Variants in EIF4E2 observed in about 807,000 individuals in gnomAD.
EIF4E2 encodes the protein eukaryotic translation initiation factor 4E family member 2, also known as eukaryotic translation initiation factor 4E type 2.
EIF4E2 carries 13 observed loss-of-function variants against 34.2 expected under a neutral mutation model. That is an observed-to-expected ratio of 0.38 (90% CI 0.25 to 0.60). The LOEUF (loss-of-function observed/expected upper bound fraction) is 0.60, where lower values mean the gene tolerates loss of function less well. Ranked by LOEUF, EIF4E2 falls within the 20% of genes least tolerant of loss-of-function variation. The probability of loss-of-function intolerance (pLI) is 0.62; values close to 1 mark genes in which losing one functional copy is unlikely to be tolerated. For synonymous variants in EIF4E2, 100 were observed against 106.6 expected (o/e 0.94, Z 0.38); for missense variants, 222 against 315.1 (o/e 0.70, Z 2.24).
At chr2:232,574,224 C>T in intron 6 of EIF4E2, 2 of 1,541,288 alleles carry the variant, frequency 1.3e-6, no homozygotes, top group Non-Finnish European at 1.8e-6. Context: ...AGCTTTTGAT[C>T]TGAATGTGCT....
chr2:232,574,310 C>A lies in EIF4E2; in HGVS notation c.666-6594C>A, dbSNP rs541406459. Reference sequence around the variant, plus strand: ...CTGGTGAACAGCAGCGGCCGCTGATCGGACGCTCCCCCTCTGTCTCTCACA... The same window carrying A: ...CTGGTGAACAGCAGCGGCCGCTGATAGGACGCTCCCCCTCTGTCTCTCACA... On this transcript the variant is annotated intron_variant, in intron 6 of 6. Transcript: ENST00000409098. 2.6e-6 allele frequency: 4 copies of A among 1,550,400 alleles called. No homozygotes were observed. In the African/African-American group the frequency reaches 4.1e-5, roughly 16 times the overall value.
At position 232,557,726 on chromosome 2, in the gene EIF4E2, G is replaced by T. The variant is rs1692574228; in HGVS notation, c.136-158G>T. ...AGAATCAGTTAACCACTGAGGAAATGTACTGTGTAAGCAGAATCTTTGGCA... is the reference window on the plus strand; with the variant it reads ...AGAATCAGTTAACCACTGAGGAAATTTACTGTGTAAGCAGAATCTTTGGCA... On this transcript the variant is annotated intron_variant, in intron 2 of 6. Coordinates refer to ENST00000258416, the MANE Select transcript of EIF4E2 (RefSeq NM_004846.4). 10 of 808,148 alleles carry T rather than the reference G, an allele frequency of 1.2e-5. No individual in the cohort carries two copies. The East Asian group carries it at 2.5e-4, about 20-fold the overall frequency. The allele number at this position is 808,148 out of a possible 1,614,324, so 50.1% of individuals were successfully genotyped here. A position where few individuals can be genotyped will look rare whatever the true frequency, so the allele number is the denominator to read the frequency against.
exon 7 of EIF4E2, chr2:232,580,950 A>C: frequency 6.5e-7 from 1 of 1,550,350 alleles, no homozygotes; most frequent in Non-Finnish European, 8.7e-7. Flanking sequence ...GTGAGAGTAC[A>C]CAAGCTGGCA....
intron 6 of EIF4E2, chr2:232,568,406 G>C: frequency 1.0e-6 from 1 of 985,410 alleles, no homozygotes; most frequent in Non-Finnish European, 1.2e-6. Context: ...AGCCATGGCT[G>C]TGGTTGCTTG....
At chr2:232,567,841 A>G (rs1272106789) in intron 6 of EIF4E2, 1 of 985,510 alleles carries the variant, frequency 1.0e-6, no homozygotes, top group Non-Finnish European at 1.2e-6. Context: ...CTTGCTCCTC[A>G]GTGATTGAGT....
chr2:232,560,688 G>A (rs1157514282), intron 3 of EIF4E2, among the ~76,000 whole-genome samples: 1 of 152,152 alleles, frequency 6.6e-6, no homozygotes, highest in East Asian at 1.9e-4. Flanking sequence ...CCTACAAAAT[G>A]GGAGAAAATA....
At position 232,581,107 on chromosome 2, in the gene EIF4E2, C is replaced by T; in HGVS notation, c.*164C>T. The T allele has an allele frequency of 1.3e-6, 1 of 753,042 alleles. No homozygotes were observed. Among genetic ancestry groups the T allele is most frequent in the Non-Finnish European group, 2.4e-6 (1 of 419,300 alleles). 46.6% of individuals were successfully genotyped at this position (753,042 alleles called of 1,614,324 possible). A position where few individuals can be genotyped will look rare whatever the true frequency, so the allele number is the denominator to read the frequency against. On this transcript the variant is annotated 3_prime_UTR_variant, in exon 7 of 7. Transcript: ENST00000409098. The surrounding 1 kb of genome is among the most constrained non-coding windows in gnomAD (Gnocchi z 5.2). ...GAGGACGGATTCCGCTAGACACCCT[C>T]CAGCATCGCTGACTTTATAAAGCGG...
intron 3 of EIF4E2, chr2:232,558,856 G>T (rs1692614821): frequency 7.4e-6 from 1 of 135,150 alleles, no homozygotes; most frequent in South Asian, 2.2e-4. Flanking sequence ...TGCTTTTGTG[G>T]GTACTGGCAG....
At chr2:232,579,123 T>TAC (rs71056276) in intron 6 of EIF4E2, among the ~76,000 whole-genome samples, 3,807 of 146,556 alleles carry the variant, frequency 0.026, 48 homozygotes, top group African/African-American at 0.033. Context: ...AACTCAGAAA[T>TAC]ACACACACAC....
rs780015981 is a variant in EIF4E2 at position 232,566,998 on chromosome 2, C to A, written c.528+17C>A. 1.3e-6 allele frequency: 2 copies of A among 1,589,330 alleles called. No homozygotes were observed. The highest frequency in any genetic ancestry group is 2.7e-5 in the African/African-American group (2 of 74,336). On this transcript the variant is annotated intron_variant, in intron 5 of 6. Transcript: ENST00000258416. This position sits in a 1 kb window ranked among gnomAD's most constrained non-coding sequence, Gnocchi z 4.9. ...CGCTTTCAGGTAAGCCACCCATGAG[C>A]CAGGCTGGTTTCTTGTGTTGCCTTT...
chr2:232,574,266 C>T (rs1693157902), intron 6 of EIF4E2: 1 of 1,550,464 alleles, frequency 6.4e-7, no homozygotes, highest in African/African-American at 1.4e-5. Context: ...TTGCCAGGGC[C>T]TGGGAGGAGT....
At position 232,557,937 on chromosome 2, in the gene EIF4E2, G is replaced by A; in HGVS notation, c.189G>A (p.Trp63Ter). The A allele has an allele frequency of 1.2e-6, 2 of 1,613,988 alleles. No homozygotes were observed. Among genetic ancestry groups the A allele is most frequent in the Non-Finnish European group, 1.7e-6 (2 of 1,179,998 alleles). The change falls in exon 3 of 7, where the codon TGG becomes TGA. Residue 63 changes from tryptophan to a stop codon, truncating the protein, a stop_gained. Transcript: ENST00000258416. LOFTEE classifies it high-confidence loss of function. ...EHPLQYNYTF[W>*]YSRRTPGRPT... The stretch of plus-strand genomic sequence containing the variant: ...CCCTGCAGTACAACTACACTTTTTG[G>A]TACTCCAGGAGAACCCCCGGCCGTC...
intron 6 of EIF4E2, among the ~76,000 whole-genome samples, chr2:232,575,057 A>G (rs900686623): frequency 5.9e-5 from 9 of 152,242 alleles, no homozygotes; most frequent in African/African-American, 1.9e-4. Context: ...TGAAAGGCCA[A>G]TGTCTGCATG....
chr2:232,556,072 G>C (rs1222581062), intron 1 of EIF4E2, among the ~76,000 whole-genome samples: 1 of 152,218 alleles, frequency 6.6e-6, no homozygotes, highest in Non-Finnish European at 1.5e-5. Context: ...CATTTGAAAT[G>C]CCATAGCATT....
At chr2:232,559,631 G>A (rs1345296080) in intron 3 of EIF4E2, among the ~76,000 whole-genome samples, 2 of 151,976 alleles carry the variant, frequency 1.3e-5, no homozygotes, top group Admixed American at 1.3e-4. Context: ...TAAAACTTGG[G>A]TTAAGTGTCT....
At chr2:232,570,209 C>T (rs1218101345), downstream of EIF4E2, among the ~76,000 whole-genome samples, 1 of 152,034 alleles carries the variant, frequency 6.6e-6, no homozygotes, top group Non-Finnish European at 1.5e-5. Context: ...GCCCAAGATC[C>T]TGCATAACAC....
intron 4 of EIF4E2, among the ~76,000 whole-genome samples, chr2:232,564,653 G>A (rs1180870980): frequency 1.3e-5 from 2 of 152,128 alleles, no homozygotes; most frequent in Admixed American, 1.3e-4. Context: ...GAGTTTCACC[G>A]TGTTAGCCAG....
chr2:232,577,621 C>G (rs926735780), intron 6 of EIF4E2, among the ~76,000 whole-genome samples: 7 of 152,306 alleles, frequency 4.6e-5, no homozygotes, highest in Middle Eastern at 3.4e-3. Context: ...ATTTGGACAA[C>G]GATTTTCCCC....
chr2:232,566,897 G>A lies in EIF4E2; in HGVS notation c.444G>A (p.Trp148Ter). 1 of 1,613,490 alleles carries A rather than the reference G, an allele frequency of 6.2e-7. No homozygotes were observed. Among genetic ancestry groups the A allele is most frequent in the Non-Finnish European group, 8.5e-7 (1 of 1,179,808 alleles). The change falls in exon 5 of 7, where the codon TGG (tryptophan) becomes TGA (stop). Residue 148 changes from tryptophan (W) to a stop codon, truncating the protein, a stop_gained. Transcript: ENST00000258416. LOFTEE classifies it high-confidence loss of function. The surrounding 1 kb of genome is among the most constrained non-coding windows in gnomAD (Gnocchi z 4.9). ...GGAAGGGCTTGGCCTCCCGTTGCTG[G>A]GAGAATCTCATTTTGGCCATGCTGG... ...RLRKGLASRCWENLILAMLGE... is the reference protein window; with the variant it reads ...RLRKGLASRC
Sources: gnomAD v4.1 joint callset for allele counts (sites outside exome capture counted in the v4.1 genomes callset) on GRCh38, gnomAD v4.1.1 for gene constraint, Gnocchi (gnomAD v3.1) non-coding constraint, MANE v1.5 for transcripts, NCBI Gene and HGNC (gene_info 2026-07-23, HGNC 2026-07-21) for gene names.